The following LTBP2 variants were observed in gnomAD, a reference collection of about 807,000 sequenced individuals.
LTBP2 encodes latent-transforming growth factor beta-binding protein 2.
Under a neutral mutation model 210.6 loss-of-function variants are expected in LTBP2, and 103 were observed. The observed-to-expected ratio is 0.49, with a 90% CI of 0.42 to 0.58. The LOEUF (loss-of-function observed/expected upper bound fraction) is 0.58, where lower values mean the gene tolerates loss of function less well. LTBP2 is among the 20% of genes least tolerant of loss of function. The pLI, the probability that LTBP2 is intolerant of heterozygous loss-of-function variation, is 0.00. For synonymous variants in LTBP2, 1,007 were observed against 1,015.0 expected (o/e 0.99, Z 0.15); for missense variants, 2,313 against 2,494.5 (o/e 0.93, Z 1.55).
At chr14:74,607,467 G>A (rs1258471824) in intron 1 of LTBP2, among the ~76,000 whole-genome samples, 1 of 152,106 alleles carries the variant, frequency 6.6e-6, no homozygotes, top group Non-Finnish European at 1.5e-5. Context: ...AGCACTGTCT[G>A]TAATAGCAAA....
At chr14:74,552,827 C>T in intron 5 of LTBP2, 65 bp downstream of exon 5, 1 of 1,561,842 alleles carries the variant, frequency 6.4e-7, no homozygotes, top group Non-Finnish European at 8.7e-7. Flanking sequence ...CAAGGCAGGC[C>T]TGGCTCTCTG....
At chr14:74,608,251 C>G (rs893689406) in intron 1 of LTBP2, among the ~76,000 whole-genome samples, 1 of 151,900 alleles carries the variant, frequency 6.6e-6, no homozygotes, top group African/African-American at 2.4e-5. Flanking sequence ...ATTTTCAATA[C>G]CTTTTAGTGC....
At chr14:74,576,790 T>C (rs986663360) in intron 3 of LTBP2, among the ~76,000 whole-genome samples, 4 of 152,098 alleles carry the variant, frequency 2.6e-5, no homozygotes, top group African/African-American at 9.7e-5. Flanking sequence ...ATTAAGGAGC[T>C]TCTTCCTAAA....
intron 10 of LTBP2, among the ~76,000 whole-genome samples, chr14:74,531,680 T>G (rs1204950310): frequency 1.3e-5 from 2 of 152,252 alleles, no homozygotes; most frequent in Non-Finnish European, 2.9e-5. Flanking sequence ...GGAGCTCTGC[T>G]GAGCTGGGCG....
At chr14:74,542,316 C>G (rs2087518446) in intron 8 of LTBP2, among the ~76,000 whole-genome samples, 1 of 152,228 alleles carries the variant, frequency 6.6e-6, no homozygotes, top group African/African-American at 2.4e-5. Context: ...GCCCTGCTAA[C>G]TCTCCCCCTC....
At chr14:74,540,610 A>C (rs2087480080) in intron 8 of LTBP2, among the ~76,000 whole-genome samples, 1 of 148,796 alleles carries the variant, frequency 6.7e-6, no homozygotes, top group African/African-American at 2.5e-5. Flanking sequence ...CTAAAAATAC[A>C]AAAAATTAGC....
intron 13 of LTBP2, among the ~76,000 whole-genome samples, chr14:74,526,980 C>T (rs761285212): frequency 1.3e-5 from 2 of 152,172 alleles, no homozygotes; most frequent in Non-Finnish European, 2.9e-5. Flanking sequence ...GCAGAAAGTG[C>T]CAGACCCAGA....
chr14:74,593,726 T>C (rs1167493060), intron 2 of LTBP2, among the ~76,000 whole-genome samples: 3 of 152,140 alleles, frequency 2.0e-5, no homozygotes, highest in Non-Finnish European at 2.9e-5. Context: ...CAGCAAGATA[T>C]AGAACATTTC....
chr14:74,505,298 C>A, intron 28 of LTBP2, 124 bp from the exon 29 acceptor site: 2 of 1,053,176 alleles, frequency 1.9e-6, no homozygotes, highest in Non-Finnish European at 2.8e-6. Context: ...ATTCTGTTAC[C>A]TGTATTACCT....
At position 74,585,880 on chromosome 14, in the gene LTBP2, C is replaced by T. The variant is rs139052892; in HGVS notation, c.804G>A (p.Pro268=). The T allele has an allele frequency of 3.0e-5, 48 of 1,613,190 alleles. No individual in the cohort carries two copies. The East Asian group carries it at 5.3e-4, about 18-fold the overall frequency. The change falls in exon 3 of 36, where the codon CCG becomes CCA. Residue 268 remains proline, a synonymous_variant. Transcript: ENST00000261978. Reference sequence around the variant, plus strand: ...CAGCTGGTGGCGACTGTGGTGCGGGCGGCGACTGTGGTGCTGGCGGCTGTG... The same window carrying T: ...CAGCTGGTGGCGACTGTGGTGCGGGTGGCGACTGTGGTGCTGGCGGCTGTG... The part of the protein sequence containing the change: ...ARAQPPAPQS[P]PAPQSPPAGT...
rs916328276 is a variant in LTBP2, at chr14:74,532,341, G to T, written c.1987+85C>A. The stretch of plus-strand genomic sequence containing the variant: ...GGCGTGATCAGGTCTGGGGAAAATT[G>T]CTGCCCTGGGCCTGGCCTGTGGACC... On this transcript the variant is annotated intron_variant, in intron 10 of 35. Transcript: ENST00000261978. 2.7e-5 allele frequency: 42 copies of T among 1,584,374 alleles called. No homozygotes were observed. In the Middle Eastern group the frequency reaches 1.5e-3, roughly 56 times the overall value.
intron 8 of LTBP2, among the ~76,000 whole-genome samples, chr14:74,538,128 C>G (rs2087446807): frequency 1.3e-5 from 2 of 151,758 alleles, no homozygotes; most frequent in African/African-American, 2.4e-5. Flanking sequence ...TATCCTTTAT[C>G]CAATTGTACA....
intron 3 of LTBP2, among the ~76,000 whole-genome samples, chr14:74,562,515 A>G (rs757122205): frequency 2.0e-5 from 3 of 152,218 alleles, no homozygotes. Context: ...TGCAACTCGT[A>G]TCAGAGAGAA....
intron 17 of LTBP2, among the ~76,000 whole-genome samples, chr14:74,518,949 G>T (rs1038273066): frequency 3.3e-5 from 5 of 152,182 alleles, no homozygotes; most frequent in Admixed American, 6.5e-5. Flanking sequence ...TATCCCCTGA[G>T]GTCAGGACGA....
intron 8 of LTBP2, among the ~76,000 whole-genome samples, chr14:74,538,233 T>G (rs1196167016): frequency 6.6e-6 from 1 of 152,172 alleles, no homozygotes; most frequent in Non-Finnish European, 1.5e-5. Context: ...CTTACACACT[T>G]AGCGCAAGGT....
At chr14:74,546,862 G>A (rs965001524) in intron 8 of LTBP2, among the ~76,000 whole-genome samples, 3 of 152,260 alleles carry the variant, frequency 2.0e-5, no homozygotes, top group Non-Finnish European at 4.4e-5. Flanking sequence ...GCAAGTGGGC[G>A]AGCAGGTAGC....
chr14:74,544,624 C>T (rs1566631584), intron 8 of LTBP2, among the ~76,000 whole-genome samples: 1 of 152,240 alleles, frequency 6.6e-6, no homozygotes, highest in East Asian at 1.9e-4. Flanking sequence ...CAGAGCTACA[C>T]CTATAACTCT....
intron 3 of LTBP2, among the ~76,000 whole-genome samples, chr14:74,566,791 T>C (rs2087908759): frequency 6.6e-6 from 1 of 152,162 alleles, no homozygotes; most frequent in Admixed American, 6.5e-5. Context: ...TGCTGCTGTG[T>C]CTGCTTGGCG....
rs1482396189 is a variant in LTBP2, at chr14:74,586,259, G to T, written c.566-141C>A. ...GGAAGCCACTCTCCTGGCCTCAGGGGGCTCCCTGACCCATGTCTCTCCCAC... is the reference window on the plus strand; with the variant it reads ...GGAAGCCACTCTCCTGGCCTCAGGGTGCTCCCTGACCCATGTCTCTCCCAC... On this transcript the variant is annotated intron_variant, in intron 2 of 35. Coordinates refer to ENST00000261978, the MANE Select transcript of LTBP2 (RefSeq NM_000428.3). This position sits in a 1 kb window ranked among gnomAD's most constrained non-coding sequence, Gnocchi z 4.6. 2 of 927,348 alleles carry T rather than the reference G, an allele frequency of 2.2e-6. No individual in the cohort carries two copies. 57.4% of individuals were successfully genotyped at this position (927,348 alleles called of 1,614,324 possible).
Sources: gnomAD v4.1 joint callset for allele counts (sites outside exome capture counted in the v4.1 genomes callset) on GRCh38, gnomAD v4.1.1 for gene constraint, Gnocchi (gnomAD v3.1) non-coding constraint, MANE v1.5 for transcripts, NCBI Gene and HGNC (gene_info 2026-07-23, HGNC 2026-07-21) for gene names.